Variants in EBF1 observed in about 807,000 individuals in gnomAD.
EBF1 encodes the protein transcription factor COE1.
EBF1 carries 10 observed loss-of-function variants against 68.4 expected under a neutral mutation model. The observed-to-expected ratio is 0.15, with a 90% CI of 0.09 to 0.25. The LOEUF is 0.25. EBF1 is among the 10% of genes least tolerant of loss of function. The pLI is 1.00. For missense variants in EBF1, 509 were observed against 794.4 expected (o/e 0.64, Z 4.32); for synonymous variants, 298 against 299.8 (o/e 0.99, Z 0.06).
intron 6 of EBF1, among the ~76,000 whole-genome samples, chr5:159,044,963 G>T (rs890935921): frequency 2.0e-5 from 3 of 151,922 alleles, no homozygotes; most frequent in African/African-American, 7.3e-5. Context: ...TCAAAAGAAG[G>T]GGAAAATATT....
At chr5:158,899,250 T>C (rs1452350072) in intron 6 of EBF1, among the ~76,000 whole-genome samples, 2 of 152,338 alleles carry the variant, frequency 1.3e-5, no homozygotes, top group East Asian at 3.9e-4. Context: ...CCACTGGCAC[T>C]GAAAACAGGC....
At chr5:159,045,947 A>G (rs928601585) in intron 6 of EBF1, among the ~76,000 whole-genome samples, 1 of 152,148 alleles carries the variant, frequency 6.6e-6, no homozygotes. Flanking sequence ...CCCATAGCCT[A>G]TCTGAGCTTT....
intron 6 of EBF1, among the ~76,000 whole-genome samples, chr5:158,883,671 G>T (rs1312722895): frequency 6.6e-6 from 1 of 152,084 alleles, no homozygotes; most frequent in Non-Finnish European, 1.5e-5. Context: ...CGTTTTACAA[G>T]TAGGGAAGTT....
chr5:158,905,896 AG>A (rs1395875224), intron 6 of EBF1, among the ~76,000 whole-genome samples: 2 of 152,184 alleles, frequency 1.3e-5, no homozygotes, highest in Non-Finnish European at 2.9e-5. Flanking sequence ...GAGGGATACA[AG>A]GGAATGGAGG....
intron 1 of EBF1, chr5:159,097,611 C>A (rs774808781): frequency 4.2e-6 from 1 of 238,536 alleles, no homozygotes; most frequent in East Asian, 6.0e-5. Flanking sequence ...CCTCCAGGAA[C>A]CCCTCAAGCT....
At chr5:158,807,805 CT>C (rs1407729945) in intron 8 of EBF1, among the ~76,000 whole-genome samples, 1 of 152,120 alleles carries the variant, frequency 6.6e-6, no homozygotes, top group Admixed American at 6.6e-5. Context: ...GAGAGATGAG[CT>C]CCTGTTCCTG....
intron 6 of EBF1, among the ~76,000 whole-genome samples, chr5:158,979,188 T>C (rs746520219): frequency 6.6e-6 from 1 of 152,218 alleles, no homozygotes; most frequent in Non-Finnish European, 1.5e-5. Flanking sequence ...TATTAAAATG[T>C]ATAAGATCTA....
intron 6 of EBF1, among the ~76,000 whole-genome samples, chr5:159,006,906 A>C (rs1293094749): frequency 6.6e-6 from 1 of 152,162 alleles, no homozygotes; most frequent in Non-Finnish European, 1.5e-5. Context: ...TGGCTTGAAG[A>C]ATTCTATTTT....
intron 6 of EBF1, among the ~76,000 whole-genome samples, chr5:158,909,661 G>T (rs577022766): frequency 6.6e-6 from 1 of 152,054 alleles, no homozygotes; most frequent in Non-Finnish European, 1.5e-5. Flanking sequence ...AGGGGAGGCC[G>T]GGTGCGGTGG....
intron 6 of EBF1, among the ~76,000 whole-genome samples, chr5:159,072,644 T>C (rs1329392676): frequency 6.6e-6 from 1 of 152,170 alleles, no homozygotes; most frequent in Non-Finnish European, 1.5e-5. Flanking sequence ...TAACAAATGG[T>C]TTATCATACA....
At chr5:158,826,878 TATC>T (rs1786265612) in intron 7 of EBF1, among the ~76,000 whole-genome samples, 2 of 152,216 alleles carry the variant, frequency 1.3e-5, no homozygotes, top group African/African-American at 4.8e-5. Context: ...TCTGGATAGA[TATC>T]CCTAAAAGGT....
intron 6 of EBF1, among the ~76,000 whole-genome samples, chr5:158,904,220 G>A (rs1358504607): frequency 6.6e-6 from 1 of 152,136 alleles, no homozygotes; most frequent in Non-Finnish European, 1.5e-5. Flanking sequence ...ATAAAACAGA[G>A]AAGAAATAGT....
intron 9 of EBF1, among the ~76,000 whole-genome samples, chr5:158,785,544 T>G (rs549613815): frequency 1.8e-4 from 28 of 152,268 alleles, no homozygotes; most frequent in Admixed American, 3.9e-4. Flanking sequence ...ATTGCCTGTC[T>G]CAAAAGCAGT....
intron 1 of EBF1, 58 bp from the exon 2 acceptor site, chr5:159,097,188 T>A: frequency 6.4e-7 from 1 of 1,563,434 alleles, no homozygotes; most frequent in Non-Finnish European, 8.7e-7. Context: ...GCGCCCCTTG[T>A]CACCCTGTAC....
intron 6 of EBF1, among the ~76,000 whole-genome samples, chr5:158,954,512 A>C (rs1816663680): frequency 6.6e-6 from 1 of 152,250 alleles, no homozygotes; most frequent in Admixed American, 6.5e-5. Context: ...GGTGCCCCCA[A>C]CTTAATAATG....
At chr5:158,929,845 G>A (rs557913797) in intron 6 of EBF1, among the ~76,000 whole-genome samples, 3 of 152,194 alleles carry the variant, frequency 2.0e-5, no homozygotes, top group Non-Finnish European at 4.4e-5. Context: ...CAGGAAAAAG[G>A]TACATAATTC....
intron 9 of EBF1, among the ~76,000 whole-genome samples, chr5:158,781,799 T>G (rs1776497327): frequency 6.6e-6 from 1 of 152,192 alleles, no homozygotes. Context: ...ATTACAACAG[T>G]AGGAAAAATT....
chr5:158,886,751 C>T (rs1249436421), intron 6 of EBF1, among the ~76,000 whole-genome samples: 1 of 152,194 alleles, frequency 6.6e-6, no homozygotes, highest in African/African-American at 2.4e-5. Context: ...GTGGCTCATG[C>T]CTGTAATCCC....
intron 10 of EBF1, 36 bp downstream of exon 10, chr5:158,777,377 G>C: frequency 6.4e-7 from 1 of 1,563,694 alleles, no homozygotes; most frequent in Non-Finnish European, 8.7e-7. Flanking sequence ...ACAAGACCAC[G>C]GCAGTTCTGT....
Sources: gnomAD v4.1 joint callset for allele counts (sites outside exome capture counted in the v4.1 genomes callset) on GRCh38, gnomAD v4.1.1 for gene constraint, MANE v1.5 for transcripts, NCBI Gene and HGNC (gene_info 2026-07-23, HGNC 2026-07-21) for gene names.